The following CNTN4 variants were observed in gnomAD, a reference collection of about 807,000 sequenced individuals.
CNTN4 encodes contactin 4, also known as contactin-4.
A neutral mutation model predicts 122.5 loss-of-function variants in CNTN4; 77 were observed. That is an observed-to-expected ratio of 0.63 (90% CI 0.52 to 0.76). The LOEUF (loss-of-function observed/expected upper bound fraction) is 0.76, where lower values mean the gene tolerates loss of function less well. Ranked by LOEUF, CNTN4 falls within the 30% of genes least tolerant of loss-of-function variation. The pLI is 0.00. For synonymous variants in CNTN4, 512 were observed against 447.0 expected (o/e 1.15, Z -1.83); for missense variants, 1,256 against 1,259.1 (o/e 1.00, Z 0.04).
chr3:2,350,496 A>G (rs979732025), intron 3 of CNTN4, among the ~76,000 whole-genome samples: 4 of 152,212 alleles, frequency 2.6e-5, no homozygotes, highest in African/African-American at 9.6e-5. Flanking sequence ...ATTCTGAACA[A>G]AAGGGCCAGG....
intron 3 of CNTN4, among the ~76,000 whole-genome samples, chr3:2,400,428 C>A (rs78776103): frequency 3.1e-5 from 3 of 95,824 alleles, no homozygotes; most frequent in Non-Finnish European, 6.6e-5. Flanking sequence ...TATATATATA[C>A]ATATATATAT....
chr3:2,837,411 A>G (rs1004372477), intron 7 of CNTN4, among the ~76,000 whole-genome samples: 1 of 152,098 alleles, frequency 6.6e-6, no homozygotes, highest in Non-Finnish European at 1.5e-5. Context: ...AAATGCCTGG[A>G]TTGGCAGTAA....
At position 2,385,349 on chromosome 3, in the gene CNTN4, G is replaced by A. The variant is rs1343703703; in HGVS notation, c.-89+46116G>A. Among the ~76,000 whole-genome samples, 2 of 151,740 alleles carry A rather than the reference G, an allele frequency of 1.3e-5. No homozygotes were observed. Among genetic ancestry groups the A allele is most frequent in the African/African-American group, 4.8e-5 (2 of 41,318 alleles). On this transcript the variant is annotated intron_variant, in intron 3 of 24. Transcript: ENST00000418658. The surrounding 1 kb of genome is among the most constrained non-coding windows in gnomAD (Gnocchi z 4.0). ...TAGTTTTGTTTATATTACTCTTGTT[G>A]CACTGAATAACCTATTAGCATACTT... is the stretch of plus-strand genomic sequence containing the variant.
chr3:2,821,193 G>C (rs897818927), intron 7 of CNTN4, among the ~76,000 whole-genome samples: 1 of 151,960 alleles, frequency 6.6e-6, no homozygotes, highest in African/African-American at 2.4e-5. Flanking sequence ...CTGACCTCAA[G>C]TGATCCACCC....
intron 4 of CNTN4, among the ~76,000 whole-genome samples, chr3:2,691,177 C>T (rs1395382997): frequency 6.6e-6 from 1 of 152,078 alleles, no homozygotes; most frequent in African/African-American, 2.4e-5. Flanking sequence ...TCTGAGTGAA[C>T]GTGTTGATGT....
At chr3:2,957,779 T>C (rs1033808011) in intron 13 of CNTN4, among the ~76,000 whole-genome samples, 1 of 96 alleles carries the variant, frequency 0.01, no homozygotes, top group South Asian at 0.25. Flanking sequence ...TTTGTTCTTT[T>C]ATATGCCGCA....
At chr3:2,340,704 T>TAGAGAG (rs1211078887) in intron 3 of CNTN4, among the ~76,000 whole-genome samples, 6 of 17,804 alleles carry the variant, frequency 3.4e-4, no homozygotes, top group Non-Finnish European at 5.6e-4. Flanking sequence ...TATATATATA[T>TAGAGAG]ATATATAGAG....
At chr3:2,351,248 A>G (rs1423684952) in intron 3 of CNTN4, among the ~76,000 whole-genome samples, 1 of 152,180 alleles carries the variant, frequency 6.6e-6, no homozygotes, top group Middle Eastern at 3.2e-3. Context: ...GTGAACTCAT[A>G]GAACACCATA....
rs191354247 is a variant in CNTN4, at chr3:2,321,696, T to C, written c.-144-17482T>C. Among the ~76,000 whole-genome samples the C allele has an allele frequency of 3.3e-3, 506 of 152,234 alleles. 2 individuals carry two copies. The highest frequency in any genetic ancestry group is 5.3e-3 in the Admixed American group (81 of 15,272). On this transcript the variant is annotated intron_variant, in intron 2 of 24. Coordinates refer to ENST00000418658, the MANE Select transcript of CNTN4 (RefSeq NM_175607.3). ...GACGACCTAGTATCTCAGGTTTCTC[T>C]TTGTAAAACAATTGAATTAATACAT... is the stretch of plus-strand genomic sequence containing the variant.
chr3:2,816,340 C>T (rs71613525), intron 6 of CNTN4, among the ~76,000 whole-genome samples: 92,763 of 147,086 alleles, frequency 0.63, 30,008 homozygotes, highest in South Asian at 0.71. Context: ...GGCGACAGAG[C>T]GAGACTCCAT....
intron 6 of CNTN4, among the ~76,000 whole-genome samples, chr3:2,774,539 C>G (rs1275979589): frequency 6.6e-6 from 1 of 152,180 alleles, no homozygotes; most frequent in Non-Finnish European, 1.5e-5. Flanking sequence ...GGTTGCTCTT[C>G]ACTCCATTAG....
intron 2 of CNTN4, among the ~76,000 whole-genome samples, chr3:2,134,321 G>C (rs907835977): frequency 6.6e-6 from 1 of 152,184 alleles, no homozygotes; most frequent in Admixed American, 6.5e-5. Flanking sequence ...TGCTGAACGA[G>C]TCTCCTAGGT....
At chr3:2,297,157 A>G (rs1009984920) in intron 2 of CNTN4, among the ~76,000 whole-genome samples, 9 of 152,286 alleles carry the variant, frequency 5.9e-5, no homozygotes, top group East Asian at 1.9e-4. Context: ...ATGTCTTTCA[A>G]TCAGTTTATT....
At chr3:2,708,752 C>G (rs1330225262) in intron 4 of CNTN4, among the ~76,000 whole-genome samples, 1 of 75,704 alleles carries the variant, frequency 1.3e-5, no homozygotes, top group Non-Finnish European at 3.2e-5. Flanking sequence ...CACACACACA[C>G]ACACACACAC....
chr3:2,434,257 C>T (rs145127315), intron 3 of CNTN4, among the ~76,000 whole-genome samples: 2 of 152,018 alleles, frequency 1.3e-5, no homozygotes, highest in East Asian at 3.9e-4. Flanking sequence ...TCACATTGTA[C>T]CCCACAAACA....
rs962107232 is a variant in CNTN4 at position 2,215,805 on chromosome 3, C to G, written c.-145+115166C>G. On this transcript the variant is annotated intron_variant, in intron 2 of 24. Transcript: ENST00000418658. Reference sequence around the variant, plus strand: ...GATTGAGGCAGGAGAATCACTTGAACCCAGGATTTAGAGGTTGCAGTGAGC... The same window carrying G: ...GATTGAGGCAGGAGAATCACTTGAAGCCAGGATTTAGAGGTTGCAGTGAGC... Among the ~76,000 whole-genome samples the G allele has an allele frequency of 3.6e-5, 5 of 139,582 alleles. No individual in the cohort carries two copies. In the Admixed American group the frequency reaches 3.9e-4, roughly 11 times the overall value. The allele number at this position is 139,582 out of a possible 152,430, so 91.6% of individuals were successfully genotyped here.
At chr3:2,851,763 T>C (rs188030795) in intron 7 of CNTN4, among the ~76,000 whole-genome samples, 73 of 152,324 alleles carry the variant, frequency 4.8e-4, no homozygotes, top group Admixed American at 1.7e-3. Context: ...CTACTGCCTT[T>C]TCCACTGCAC....
intron 7 of CNTN4, among the ~76,000 whole-genome samples, chr3:2,855,055 T>C (rs2150713552): frequency 6.6e-6 from 1 of 152,344 alleles, no homozygotes; most frequent in Admixed American, 6.5e-5. Flanking sequence ...TACTGATATT[T>C]CAGGATTTAA....
At chr3:2,507,545 C>G (rs2076764687) in intron 3 of CNTN4, among the ~76,000 whole-genome samples, 1 of 151,594 alleles carries the variant, frequency 6.6e-6, no homozygotes, top group Non-Finnish European at 1.5e-5. Flanking sequence ...ACCAACCTGG[C>G]CAACATAGTG....
Sources: allele counts gnomAD v4.1 joint callset (sites outside exome capture counted in the v4.1 genomes callset), GRCh38; gene constraint gnomAD v4.1.1; non-coding constraint Gnocchi (gnomAD v3.1); transcripts MANE v1.5; gene names NCBI Gene and HGNC (gene_info 2026-07-23, HGNC 2026-07-21).